MRPL3: variants seen among roughly 807,000 people sequenced by gnomAD.
MRPL3 encodes the protein mitochondrial ribosomal protein L3.
A neutral mutation model predicts 44.3 loss-of-function variants in MRPL3; 43 were observed. The ratio of observed to expected loss-of-function variants is 0.97; its 90% confidence interval spans 0.76 to 1.25. MRPL3 has a LOEUF of 1.25. MRPL3 is among the 50% of genes most tolerant of loss of function. The pLI, the probability that MRPL3 is intolerant of heterozygous loss-of-function variation, is 0.00. For synonymous variants in MRPL3, 171 were observed against 152.3 expected, an observed-to-expected ratio of 1.12 and a Z score of -0.91; for missense variants, 406 against 427.6, an observed-to-expected ratio of 0.95 and a Z score of 0.45.
At chr3:131,494,000 T>C (rs755929365) in intron 4 of MRPL3, among the ~76,000 whole-genome samples, 16 of 152,232 alleles carry the variant, frequency 1.1e-4, no homozygotes, top group Non-Finnish European at 1.0e-4. Context: ...TGTAAACCAT[T>C]AGTACTTATA....
At chr3:131,490,348 T>C (rs1934229330) in intron 4 of MRPL3, among the ~76,000 whole-genome samples, 1 of 152,174 alleles carries the variant, frequency 6.6e-6, no homozygotes, top group South Asian at 2.1e-4. Context: ...ACCTCTGTTC[T>C]GCAGGAAAAT....
chr3:131,493,434 T>A (rs1934300776), intron 4 of MRPL3, among the ~76,000 whole-genome samples: 1 of 152,178 alleles, frequency 6.6e-6, no homozygotes, highest in African/African-American at 2.4e-5. Context: ...CACCATACAC[T>A]TATCTACTCA....
Position 131,501,579 on chromosome 3 carries a change from G to A in MRPL3, c.229C>T (p.Leu77=). 1 of 1,612,172 alleles carries A rather than the reference G, an allele frequency of 6.2e-7. No homozygotes were observed. Among genetic ancestry groups the A allele is most frequent in the Non-Finnish European group, 8.5e-7 (1 of 1,179,948 alleles). Residue 77 remains leucine, a synonymous_variant, in exon 2 of 10, where the codon CTG becomes TTG. Coordinates refer to ENST00000264995, the MANE Select transcript of MRPL3 (RefSeq NM_007208.4). ...CATGGTTCATCTTTCAGAGGACACA[G>A]TTTACTTGCTAATTGGGCTTTATCT... The part of the protein sequence containing the change: ...DEDKAQLASK[L]CPLKDEPWPI...
chr3:131,470,557 A>G (rs1933716118), intron 7 of MRPL3, among the ~76,000 whole-genome samples: 1 of 152,108 alleles, frequency 6.6e-6, no homozygotes, highest in African/African-American at 2.4e-5. Context: ...TATCACTCTT[A>G]TTCATTCTAC....
intron 4 of MRPL3, among the ~76,000 whole-genome samples, chr3:131,497,583 C>T (rs1272427850): frequency 6.6e-6 from 1 of 152,056 alleles, no homozygotes; most frequent in Non-Finnish European, 1.5e-5. Flanking sequence ...TTTAGTTATT[C>T]AATACAGGAT....
chr3:131,478,853 G>A (rs934214078), intron 6 of MRPL3, among the ~76,000 whole-genome samples: 8 of 151,456 alleles, frequency 5.3e-5, no homozygotes, highest in Admixed American at 4.0e-4. Flanking sequence ...CTGCAACCAC[G>A]GCTAATTTTT....
chr3:131,465,904 T>C (rs1056442255), intron 9 of MRPL3, among the ~76,000 whole-genome samples: 1 of 150,956 alleles, frequency 6.6e-6, no homozygotes, highest in African/African-American at 2.4e-5. Flanking sequence ...TTTTTTTTTT[T>C]TTTGTTTTTT....
rs902373675 is a variant in MRPL3 at position 131,482,451 on chromosome 3, C to T, written c.629+5229G>A. On this transcript the variant is annotated intron_variant, in intron 6 of 9. Coordinates refer to ENST00000264995, the MANE Select transcript of MRPL3 (RefSeq NM_007208.4). ...AATGGCGTGAACCTGGGAGGCAGAG[C>T]TTGCAGTGAGCCGAGATCGTGCCAC... 5.3e-5 allele frequency among the ~76,000 whole-genome samples: 8 copies of T among 151,220 alleles called. No homozygotes were observed. The East Asian group carries it at 1.6e-3, about 30-fold the overall frequency.
chr3:131,497,493 C>A (rs1172604045), intron 4 of MRPL3, among the ~76,000 whole-genome samples: 1 of 152,052 alleles, frequency 6.6e-6, no homozygotes, highest in Non-Finnish European at 1.5e-5. Flanking sequence ...AAAAGTTTGT[C>A]TTAGAGATAA....
At chr3:131,492,384 C>T (rs770419181) in intron 4 of MRPL3, among the ~76,000 whole-genome samples, 11 of 152,096 alleles carry the variant, frequency 7.2e-5, no homozygotes, top group Non-Finnish European at 1.5e-4. Context: ...TCGGTACCAG[C>T]GACTGGTTTC....
intron 6 of MRPL3, among the ~76,000 whole-genome samples, chr3:131,477,646 T>C (rs73203912): frequency 1.3e-5 from 2 of 152,296 alleles, no homozygotes; most frequent in Non-Finnish European, 1.5e-5. Context: ...CTCTGACAAC[T>C]CCAATAGATT....
intron 6 of MRPL3, among the ~76,000 whole-genome samples, chr3:131,481,081 C>T (rs1215352463): frequency 1.3e-5 from 2 of 152,116 alleles, no homozygotes; most frequent in African/African-American, 4.8e-5. Flanking sequence ...TAAAATATTC[C>T]AGCAAATCGG....
chr3:131,463,716 T>C (rs565367842), intron 9 of MRPL3, among the ~76,000 whole-genome samples: 3 of 152,314 alleles, frequency 2.0e-5, no homozygotes, highest in Admixed American at 6.5e-5. Context: ...ATTCTAATTA[T>C]ATCTGTGAAT....
At chr3:131,501,412 G>A (rs745649636) in intron 2 of MRPL3, 119 bp downstream of exon 2, 73 of 890,600 alleles carry the variant, frequency 8.2e-5, no homozygotes, top group Middle Eastern at 3.6e-4. Flanking sequence ...TAAAACACAC[G>A]CAGCACATGA....
intron 4 of MRPL3, among the ~76,000 whole-genome samples, chr3:131,491,197 A>C (rs1172533735): frequency 1.3e-5 from 2 of 152,114 alleles, no homozygotes; most frequent in Non-Finnish European, 2.9e-5. Flanking sequence ...CTGTGAACCC[A>C]GTTTAATCAG....
chr3:131,465,891 C>CTTTT (rs55635822), intron 9 of MRPL3, among the ~76,000 whole-genome samples: 12 of 133,348 alleles, frequency 9.0e-5, no homozygotes, highest in Non-Finnish European at 1.1e-4. Context: ...CTTTTTCTCT[C>CTTTT]TTTTTTTTTT....
rs769606436 is a variant in MRPL3, at chr3:131,469,767, CA to C, written c.744del (p.Ile248MetfsTer24). ...RRPGAVATGD[I>X]GRVWPGTKMP... ...ATTTTAGTTCCAGGCCAGACTCTGC[CA>C]ATATCCTAAATGAGAAAACTAAAGT... On this transcript the variant is annotated frameshift_variant, in exon 8 of 10. Coordinates refer to ENST00000264995, the MANE Select transcript of MRPL3 (RefSeq NM_007208.4). LOFTEE classifies it high-confidence loss of function. 3.1e-6 allele frequency: 5 copies of C among 1,610,196 alleles called. No homozygotes were observed. Among genetic ancestry groups the C allele is most frequent in the Non-Finnish European group, 4.2e-6 (5 of 1,177,416 alleles).
intron 6 of MRPL3, among the ~76,000 whole-genome samples, chr3:131,483,555 G>C (rs1354110523): frequency 6.6e-6 from 1 of 152,062 alleles, no homozygotes; most frequent in Non-Finnish European, 1.5e-5. Flanking sequence ...CGTGACACTG[G>C]TAAATTTACC....
intron 6 of MRPL3, among the ~76,000 whole-genome samples, chr3:131,473,610 G>C (rs942590294): frequency 3.3e-5 from 5 of 151,764 alleles, no homozygotes; most frequent in Non-Finnish European, 7.4e-5. Flanking sequence ...CCTACAGAAT[G>C]GGAGAAAACA....
Sources: allele counts gnomAD v4.1 joint callset (sites outside exome capture counted in the v4.1 genomes callset), GRCh38; gene constraint gnomAD v4.1.1; transcripts MANE v1.5; gene names NCBI Gene and HGNC (gene_info 2026-07-23, HGNC 2026-07-21).